Variants in SPATA20 observed in about 807,000 individuals in gnomAD.
SPATA20 encodes spermatogenesis associated 20.
SPATA20 carries 74 observed loss-of-function variants against 98.9 expected under a neutral mutation model. That is an observed-to-expected ratio of 0.75 (90% CI 0.62 to 0.91). The LOEUF is 0.91. SPATA20 is among the 40% of genes least tolerant of loss of function. The probability of loss-of-function intolerance (pLI) is 0.00; values close to 1 mark genes in which losing one functional copy is unlikely to be tolerated. For synonymous variants in SPATA20, 430 were observed against 440.5 expected (o/e 0.98, Z 0.30); for missense variants, 1,016 against 1,069.8 (o/e 0.95, Z 0.70).
intron 16 of SPATA20, 63 bp downstream of exon 16, chr17:50,555,375 C>T: frequency 6.3e-7 from 1 of 1,596,202 alleles, no homozygotes; most frequent in Non-Finnish European, 8.6e-7. Flanking sequence ...ATCCTCAGCT[C>T]CTCAACATCT....
rs145832246 is a variant in SPATA20 at position 50,548,319 on chromosome 17, G to T, written c.162G>T (p.Thr54=). 11 of 1,613,650 alleles carry T rather than the reference G, an allele frequency of 6.8e-6. No homozygotes were observed. The highest frequency in any genetic ancestry group is 9.3e-6 in the Non-Finnish European group (11 of 1,179,930). ...SSSRDKDRSA[T]VSSSVPMPAG... ...CCCGGGACAAGGACCGAAGTGCGAC[G>T]GTCAGTAGTTCAGTGCCCATGCCTG... Residue 54 remains threonine (T), a synonymous_variant, in exon 3 of 17, where the codon ACG becomes ACT. Transcript: ENST00000006658.
intron 14 of SPATA20, among the ~76,000 whole-genome samples, chr17:50,553,300 T>C (rs1344339297): frequency 2.0e-5 from 3 of 152,172 alleles, no homozygotes; most frequent in Non-Finnish European, 2.9e-5. Flanking sequence ...TGAAAGGGCC[T>C]TGGGAGAGAA....
In SPATA20 at chr17:50,552,028, AC is replaced by A; in HGVS notation, c.1807del (p.Leu603CysfsTer48). On this transcript the variant is annotated frameshift_variant, in exon 14 of 17. Transcript: ENST00000006658. LOFTEE classifies it high-confidence loss of function. ...GCCTTCGTGGTGCGGGGCCTGCTGG[AC>A]CTGTATGAGGCCTCACAGGAGAGTG... ...DYAFVVRGLL[D>X]LYEASQESAW... The A allele has an allele frequency of 6.2e-7, 1 of 1,613,458 alleles. No homozygotes were observed. The highest frequency in any genetic ancestry group is 8.5e-7 in the Non-Finnish European group (1 of 1,179,820).
chr17:50,550,024 G>T lies in SPATA20; in HGVS notation c.902G>T (p.Arg301Leu), dbSNP rs367615114. 1.3e-6 allele frequency: 2 copies of T among 1,580,152 alleles called. No homozygotes were observed. Among genetic ancestry groups the T allele is most frequent in the South Asian group, 2.3e-5 (2 of 87,626 alleles). The change falls in exon 8 of 17, where the codon CGA becomes CTA. Residue 301 changes from arginine to leucine, a missense_variant. Physicochemically the swap from Arg to Leu is moderately radical, Grantham distance 102. Transcript: ENST00000006658. ...SFLFSYWLSH[R>L]LTQDGSRAQQ... ...CTGTTCTCCTACTGGCTCAGCCATC[G>T]ACTGACTCAGGATGGCTCTCGGGCC...
intron 2 of SPATA20, 152 bp downstream of exon 2, chr17:50,547,919 C>G: frequency 6.8e-7 from 1 of 1,479,238 alleles, no homozygotes; most frequent in Non-Finnish European, 9.2e-7. Flanking sequence ...AGAGAGATGC[C>G]TCCAAGCAGC....
Position 50,550,013 on chromosome 17 carries a change from G to A in SPATA20, c.891G>A (p.Trp297Ter), listed in dbSNP as rs1486143586. The A allele has an allele frequency of 9.6e-6, 15 of 1,565,188 alleles. No homozygotes were observed. The highest frequency in any genetic ancestry group is 1.2e-5 in the Non-Finnish European group (14 of 1,149,606). Residue 297 changes from tryptophan to a stop codon, truncating the protein, a stop_gained, in exon 8 of 17, where the codon TGG becomes TGA. Coordinates refer to ENST00000006658, the MANE Select transcript of SPATA20 (RefSeq NM_022827.4). LOFTEE classifies it high-confidence loss of function. ...PVILSFLFSY[W>*]LSHRLTQDGS... is the part of the protein sequence containing the mutation. ...TCCTGAGCTTCCTGTTCTCCTACTG[G>A]CTCAGCCATCGACTGACTCAGGATG...
At chr17:50,553,102 A>G (rs2144068060) in intron 14 of SPATA20, among the ~76,000 whole-genome samples, 1 of 152,332 alleles carries the variant, frequency 6.6e-6, no homozygotes, top group Non-Finnish European at 1.5e-5. Flanking sequence ...GAGTGCCATG[A>G]AGAAGTAGGA....
Position 50,548,613 on chromosome 17 carries a change from T to C in SPATA20, c.356T>C (p.Leu119Pro). Residue 119 changes from leucine to proline, a missense_variant, in exon 4 of 17, where the codon CTC becomes CCC. Physicochemically the swap from Leu to Pro is moderately conservative, Grantham distance 98 (BLOSUM62 -3). Transcript: ENST00000006658. ...KARKENKPIF[L>P]SVGYSTCHWC... ...AGGAAGGAAAACAAGCCGATTTTCC[T>C]CTCAGGTAATGCTCCCACCTTCCCT... is the stretch of plus-strand genomic sequence containing the variant. The C allele has an allele frequency of 6.2e-7, 1 of 1,612,986 alleles. No individual in the cohort carries two copies. Among genetic ancestry groups the C allele is most frequent in the Non-Finnish European group, 8.5e-7 (1 of 1,179,752 alleles).
intron 2 of SPATA20, chr17:50,548,036 C>T: frequency 6.8e-7 from 1 of 1,475,142 alleles, no homozygotes; most frequent in Non-Finnish European, 8.9e-7. Context: ...ATCCTTCCCA[C>T]CGCCAGGCCC....
Position 50,555,744 on chromosome 17 carries a change from A to T in SPATA20, c.*82A>T, listed in dbSNP as rs2035110702. The T allele has an allele frequency of 1.5e-6, 2 of 1,306,384 alleles. No individual in the cohort carries two copies. Among genetic ancestry groups the T allele is most frequent in the South Asian group, 2.8e-5 (2 of 71,954 alleles). 80.9% of individuals were successfully genotyped at this position (1,306,384 alleles called of 1,614,324 possible). ...CTCAGGCCCTGCAGGGCCCTATAGA[A>T]CCTGTGGCCATCCCTGAGCACCCTG... On this transcript the variant is annotated 3_prime_UTR_variant, in exon 17 of 17. Coordinates refer to ENST00000006658, the MANE Select transcript of SPATA20 (RefSeq NM_022827.4).
Position 50,551,343 on chromosome 17 carries a change from C to G in SPATA20, c.1576+153C>G, listed in dbSNP as rs953560195. On this transcript the variant is annotated intron_variant, in intron 12 of 16. Coordinates refer to ENST00000006658, the MANE Select transcript of SPATA20 (RefSeq NM_022827.4). ...GCTTAAGGAGCTTGAGTAACCCGCC[C>G]AAGGTCACGCGCAAGGGCTGGGAAC... 11 of 1,151,684 alleles carry G rather than the reference C, an allele frequency of 9.6e-6. 1 individual carries two copies. In the South Asian group the frequency reaches 1.7e-4, roughly 18 times the overall value. The allele number at this position is 1,151,684 out of a possible 1,614,324, so 71.3% of individuals were successfully genotyped here.
rs8076470 is a variant in SPATA20, at chr17:50,548,467, C to T, written c.296+14C>T. On this transcript the variant is annotated intron_variant, in intron 3 of 16. Coordinates refer to ENST00000006658, the MANE Select transcript of SPATA20 (RefSeq NM_022827.4). ...TCCTGTGGACTGGTGAGCACCTCTC[C>T]TGGGGCCCTGCCTGGAATCGCTGGG... The T allele has an allele frequency of 0.39, 630,145 of 1,613,004 alleles. 132,672 individuals are homozygous for T. The highest frequency in any genetic ancestry group is 0.79 in the African/African-American group (58,859 of 74,950).
chr17:50,555,365 A>G, intron 16 of SPATA20, 53 bp downstream of exon 16: 1 of 1,592,580 alleles, frequency 6.3e-7, no homozygotes, highest in Non-Finnish European at 8.6e-7. Flanking sequence ...GCCCCCTCCC[A>G]TCCTCAGCTC....
At chr17:50,552,205 T>A (rs1428731371) in intron 14 of SPATA20, 25 bp downstream of exon 14, 1 of 1,605,394 alleles carries the variant, frequency 6.2e-7, no homozygotes, top group Non-Finnish European at 8.5e-7. Flanking sequence ...AGGGCTAGTC[T>A]GGGGTCCTGG....
Position 50,549,139 on chromosome 17 carries a change from T to C in SPATA20, c.613T>C (p.Leu205=), listed in dbSNP as rs1277855914. Reference sequence around the variant, plus strand: ...CACCTATTTCCCTCCTGAGGATGGCTTGACCCGAGTCGGCTTCCGCACAGT... The same window carrying C: ...CACCTATTTCCCTCCTGAGGATGGCCTGACCCGAGTCGGCTTCCGCACAGT... ...GGTYFPPEDG[L]TRVGFRTVLL... is the part of the protein sequence containing the mutation. The change falls in exon 6 of 17, where the codon TTG becomes CTG. Residue 205 remains leucine, a synonymous_variant. Transcript: ENST00000006658. 1 of 1,610,852 alleles carries C rather than the reference T, an allele frequency of 6.2e-7. No homozygotes were observed. The highest frequency in any genetic ancestry group is 1.3e-5 in the African/African-American group (1 of 74,998).
rs774703042 is a variant in SPATA20 at position 50,548,927 on chromosome 17, G to C, written c.479G>C (p.Arg160Pro). Residue 160 changes from arginine to proline, a missense_variant, in exon 5 of 17, where the codon CGG (arginine) becomes CCG (proline). Transcript: ENST00000006658. The part of the protein sequence containing the change: ...FVSVKVDREE[R>P]PDVDKVYMTF... ...AGTGTGAAGGTAGACCGTGAGGAGC[G>C]GCCTGACGTGGACAAGGTGTACATG... is the stretch of plus-strand genomic sequence containing the variant. The C allele has an allele frequency of 1.9e-6, 3 of 1,614,106 alleles. No individual in the cohort carries two copies. Among genetic ancestry groups the C allele is most frequent in the Admixed American group, 1.7e-5 (1 of 60,016 alleles).
chr17:50,547,988 C>G, intron 2 of SPATA20: 1 of 1,483,518 alleles, frequency 6.7e-7, no homozygotes, highest in Admixed American at 2.2e-5. Context: ...GCCCCAAGAA[C>G]CATTCTGCCC....
In SPATA20 at chr17:50,552,185, GT is replaced by G; in HGVS notation, c.1957+6del. The G allele has an allele frequency of 1.9e-6, 3 of 1,613,206 alleles. No homozygotes were observed. The highest frequency in any genetic ancestry group is 2.5e-6 in the Non-Finnish European group (3 of 1,179,788). On this transcript the variant is annotated splice_donor_region_variant and intron_variant, in intron 14 of 16. Transcript: ENST00000006658. Reference sequence around the variant, plus strand: ...TGCCCCTGCGTCTGAAGGACGGTCAGTGGGGGTGCAGGGCTAGTCTGGGGTC... The same window carrying G: ...TGCCCCTGCGTCTGAAGGACGGTCAGGGGGGTGCAGGGCTAGTCTGGGGTC...
At position 50,551,156 on chromosome 17, in the gene SPATA20, G is replaced by A. The variant is rs766147758; in HGVS notation, c.1542G>A (p.Pro514=). ...AGGCCCGGAAGCATCGGCCCAAGCC[G>A]CACCTGGACAGCAAGATGCTGGCTG... ...LFQARKHRPK[P]HLDSKMLAAW... The change falls in exon 12 of 17, where the codon CCG becomes CCA. Residue 514 remains proline, a synonymous_variant. Coordinates refer to ENST00000006658, the MANE Select transcript of SPATA20 (RefSeq NM_022827.4). 6.2e-5 allele frequency: 100 copies of A among 1,609,852 alleles called. No individual in the cohort carries two copies. Among genetic ancestry groups the A allele is most frequent in the Non-Finnish European group, 8.0e-5 (94 of 1,179,098 alleles).
Sources: gnomAD v4.1 joint callset for allele counts (sites outside exome capture counted in the v4.1 genomes callset) on GRCh38, gnomAD v4.1.1 for gene constraint, MANE v1.5 for transcripts, NCBI Gene and HGNC (gene_info 2026-07-23, HGNC 2026-07-21) for gene names.